Variants in GPHN observed in about 807,000 individuals in gnomAD.
GPHN encodes the protein gephyrin.
A neutral mutation model predicts 95.5 loss-of-function variants in GPHN; 17 were observed. The observed-to-expected ratio is 0.18, with a 90% confidence interval of 0.12 to 0.27. GPHN has a LOEUF of 0.27. GPHN is among the 10% of genes least tolerant of loss of function. The probability of loss-of-function intolerance (pLI) is 1.00; values close to 1 mark genes in which losing one functional copy is unlikely to be tolerated. For missense variants in GPHN, 660 were observed against 978.1 expected (o/e 0.67, Z 4.34); for synonymous variants, 320 against 322.5 (o/e 0.99, Z 0.08).
At chr14:67,132,200 A>G (rs1215388184) in intron 17 of GPHN, among the ~76,000 whole-genome samples, 2 of 152,250 alleles carry the variant, frequency 1.3e-5, no homozygotes, top group Non-Finnish European at 2.9e-5. Context: ...GGAATTATCA[A>G]GATAGACTTA....
At chr14:67,596,285 C>T in the GPHN span, among the ~76,000 whole-genome samples, 21 of 130,952 alleles carry the variant, frequency 1.6e-4, no homozygotes, top group Non-Finnish European at 3.1e-4. Context: ...CCCGCCACCA[C>T]GCCCAGCTAA....
intron 2 of GPHN, among the ~76,000 whole-genome samples, chr14:66,773,676 C>A (rs2059268230): frequency 6.6e-6 from 1 of 152,058 alleles, no homozygotes; most frequent in African/African-American, 2.4e-5. Flanking sequence ...TTAATAATAT[C>A]TTTCCTAGGT....
At chr14:66,980,728 AT>A (rs1162534786) in intron 9 of GPHN, among the ~76,000 whole-genome samples, 1 of 152,192 alleles carries the variant, frequency 6.6e-6, no homozygotes, top group Non-Finnish European at 1.5e-5. Context: ...AAATGTTAAT[AT>A]ATCATTAGAC....
the GPHN span, among the ~76,000 whole-genome samples, chr14:67,255,626 C>A: frequency 1.3e-5 from 2 of 152,096 alleles, no homozygotes; most frequent in African/African-American, 4.8e-5. Context: ...GATAACACTT[C>A]GATTACTTTT....
the GPHN span, chr14:67,279,354 C>A: frequency 1.9e-6 from 3 of 1,613,274 alleles, no homozygotes; most frequent in African/African-American, 4.0e-5. Context: ...TATTCGGCAA[C>A]AACAGGAGGA....
At chr14:66,964,932 C>A (rs1396841771) in intron 8 of GPHN, among the ~76,000 whole-genome samples, 2 of 152,058 alleles carry the variant, frequency 1.3e-5, no homozygotes, top group Admixed American at 1.3e-4. Flanking sequence ...TATGAATGAC[C>A]AATCCTTTAT....
chr14:67,563,895 G>A, the GPHN span, among the ~76,000 whole-genome samples: 2 of 108,120 alleles, frequency 1.8e-5, no homozygotes, highest in African/African-American at 6.7e-5. Flanking sequence ...CACCATGCCC[G>A]GCTAACTGTT....
intron 2 of GPHN, among the ~76,000 whole-genome samples, chr14:66,683,446 G>T (rs72726487): frequency 0.14 from 3,088 of 21,444 alleles, 134 homozygotes; most frequent in Middle Eastern, 0.34. Flanking sequence ...GTGTTGTTAT[G>T]ATGGGAAATA....
At chr14:67,646,195 A>G in the GPHN span, among the ~76,000 whole-genome samples, 10 of 152,176 alleles carry the variant, frequency 6.6e-5, no homozygotes, top group Admixed American at 5.2e-4. Context: ...GAATCTGTAT[A>G]TCCCTCCCCT....
the GPHN span, among the ~76,000 whole-genome samples, chr14:67,236,095 A>C: frequency 6.6e-6 from 1 of 152,204 alleles, no homozygotes; most frequent in Non-Finnish European, 1.5e-5. Context: ...GAGAACATTT[A>C]AAATCTAGTC....
At chr14:66,880,789 A>G (rs2063891762) in intron 5 of GPHN, among the ~76,000 whole-genome samples, 1 of 151,978 alleles carries the variant, frequency 6.6e-6, no homozygotes, top group African/African-American at 2.4e-5. Context: ...GTTGATATCC[A>G]TCCTCGATTT....
intron 1 of GPHN, among the ~76,000 whole-genome samples, chr14:66,563,148 A>G (rs987661868): frequency 6.6e-6 from 1 of 150,450 alleles, no homozygotes; most frequent in Non-Finnish European, 1.5e-5. Flanking sequence ...ATAAGTTTTA[A>G]TGCTCTAGAC....
chr14:67,696,651 G>C, the GPHN span, among the ~76,000 whole-genome samples: 1 of 152,144 alleles, frequency 6.6e-6, no homozygotes, highest in Non-Finnish European at 1.5e-5. Flanking sequence ...TTGCCAACTC[G>C]TGAAAGTATT....
At chr14:66,631,008 G>A (rs972422131) in intron 1 of GPHN, among the ~76,000 whole-genome samples, 2 of 151,678 alleles carry the variant, frequency 1.3e-5, no homozygotes, top group Non-Finnish European at 2.9e-5. Flanking sequence ...CATTTTGCCT[G>A]TAGTTTTTCT....
chr14:67,573,856 T>C, the GPHN span: 362 of 1,613,472 alleles, frequency 2.2e-4, no homozygotes, highest in Admixed American at 1.7e-4. The surrounding 1 kb of genome is among the most constrained non-coding windows in gnomAD (Gnocchi z 4.8). Flanking sequence ...CGCTGCCAAA[T>C]TGTTCGAGGG....
chr14:67,011,847 T>G (rs2073033810), intron 9 of GPHN, among the ~76,000 whole-genome samples: 1 of 148,420 alleles, frequency 6.7e-6, no homozygotes, highest in Admixed American at 6.7e-5. Context: ...TATATATATA[T>G]GATCACTTCT....
intron 1 of GPHN, among the ~76,000 whole-genome samples, chr14:66,530,883 A>G (rs1287884415): frequency 6.6e-6 from 1 of 151,592 alleles, no homozygotes; most frequent in Admixed American, 6.6e-5. Context: ...TGGGAGCTGC[A>G]GATCGAAGCT....
chr14:67,306,619 T>G, the GPHN span, among the ~76,000 whole-genome samples: 9 of 152,084 alleles, frequency 5.9e-5, no homozygotes, highest in South Asian at 4.1e-4. Flanking sequence ...TCCGCCCACC[T>G]TGGCCTCCCA....
At chr14:66,794,916 G>A (rs771334376) in intron 3 of GPHN, among the ~76,000 whole-genome samples, 14 of 152,076 alleles carry the variant, frequency 9.2e-5, no homozygotes, top group Non-Finnish European at 1.8e-4. Flanking sequence ...ATGTGGATTT[G>A]TCTATTTTTT....
Sources: gnomAD v4.1 joint callset for allele counts (sites outside exome capture counted in the v4.1 genomes callset) on GRCh38, gnomAD v4.1.1 for gene constraint, Gnocchi (gnomAD v3.1) non-coding constraint, MANE v1.5 for transcripts, NCBI Gene and HGNC (gene_info 2026-07-23, HGNC 2026-07-21) for gene names.